Variants in PCLO observed in about 807,000 individuals in gnomAD.
The protein encoded by PCLO is piccolo presynaptic cytomatrix protein.
PCLO carries 82 observed loss-of-function variants against 427.5 expected under a neutral mutation model. The observed-to-expected ratio is 0.19, with a 90% CI of 0.16 to 0.23. The LOEUF (loss-of-function observed/expected upper bound fraction) is 0.23, where lower values mean the gene tolerates loss of function less well. Among genes scored for constraint, PCLO ranks in the 10% least tolerant of loss-of-function variants. The pLI is 1.00. For missense variants in PCLO, 6,239 were observed against 6,115.9 expected (o/e 1.02, Z -0.67); for synonymous variants, 2,357 against 2,155.4 (o/e 1.09, Z -2.59).
intron 3 of PCLO, among the ~76,000 whole-genome samples, chr7:83,118,866 A>G (rs895887732): frequency 1.8e-4 from 28 of 152,170 alleles, no homozygotes; most frequent in African/African-American, 6.5e-4. Flanking sequence ...CTAGCCAATG[A>G]GACACCATCT....
intron 20 of PCLO, among the ~76,000 whole-genome samples, chr7:82,806,821 C>T (rs1024185089): frequency 5.9e-5 from 9 of 152,162 alleles, no homozygotes; most frequent in African/African-American, 2.2e-4. Flanking sequence ...TATGTAGGAG[C>T]CCAGTAACTT....
Position 82,987,116 on chromosome 7 carries a change from C to G in PCLO, c.3301-20629G>C, listed in dbSNP as rs573604558. Reference sequence around the variant, plus strand: ...CATATAATGCATGTAATTTGTGTACCTGTTTAAACTATCAATTTCCACAGA... The same window carrying G: ...CATATAATGCATGTAATTTGTGTACGTGTTTAAACTATCAATTTCCACAGA... On this transcript the variant is annotated intron_variant, in intron 3 of 24. Transcript: ENST00000333891. 2.0e-4 allele frequency among the ~76,000 whole-genome samples: 30 copies of G among 152,020 alleles called. No homozygotes were observed. The South Asian group carries it at 6.0e-3, about 30-fold the overall frequency.
At chr7:82,792,374 T>TG (rs1247861692) in intron 22 of PCLO, among the ~76,000 whole-genome samples, 1 of 151,748 alleles carries the variant, frequency 6.6e-6, no homozygotes, top group African/African-American at 2.4e-5. Context: ...TCATCCAGGC[T>TG]GGGGTGCAGT....
intron 22 of PCLO, among the ~76,000 whole-genome samples, chr7:82,793,313 T>C (rs571105334): frequency 2.6e-5 from 4 of 152,246 alleles, no homozygotes; most frequent in Admixed American, 2.0e-4. Flanking sequence ...GTAGTACCTA[T>C]GTGTGTGGCC....
chr7:82,845,311 C>T lies in PCLO; in HGVS notation c.14006G>A (p.Gly4669Glu), dbSNP rs745483644. ...SSSVPSPGQP[G>E]SPSVSKKKHG... Reference sequence around the variant, plus strand: ...CTTCTTTTTGCTCACTGAGGGGGACCCTGGTTGCCCAGGGCTGGGAACGGA... The same window carrying T: ...CTTCTTTTTGCTCACTGAGGGGGACTCTGGTTGCCCAGGGCTGGGAACGGA... The change falls in exon 13 of 25, where the codon GGG becomes GAG. Residue 4669 changes from glycine to glutamate, a missense_variant. Transcript: ENST00000333891. 2.5e-6 allele frequency: 4 copies of T among 1,613,310 alleles called. No individual in the cohort carries two copies. Among genetic ancestry groups the T allele is most frequent in the Non-Finnish European group, 3.4e-6 (4 of 1,179,656 alleles).
intron 3 of PCLO, among the ~76,000 whole-genome samples, chr7:83,101,672 G>GAA (rs1790743189): frequency 1.3e-5 from 2 of 152,142 alleles, no homozygotes; most frequent in Admixed American, 1.3e-4. Flanking sequence ...TTTGGCACAA[G>GAA]AAACTGTGAC....
chr7:82,809,007 C>T (rs1025143134), intron 20 of PCLO, among the ~76,000 whole-genome samples: 1 of 151,860 alleles, frequency 6.6e-6, no homozygotes, highest in East Asian at 1.9e-4. Context: ...TTTAATATAT[C>T]TTTTCCAGAT....
In PCLO at chr7:83,155,002, C is replaced by G. The variant is rs1381161798; in HGVS notation, c.1639G>C (p.Ala547Pro). 1 of 1,613,910 alleles carries G rather than the reference C, an allele frequency of 6.2e-7. No individual in the cohort carries two copies. The highest frequency in any genetic ancestry group is 8.5e-7 in the Non-Finnish European group (1 of 1,179,886). Reference sequence around the variant, plus strand: ...GTAGATTGCTGAGCCGAGGGCTTTGCTGGGCTAGGCTGTTGAGCTGAGGGT... The same window carrying G: ...GTAGATTGCTGAGCCGAGGGCTTTGGTGGGCTAGGCTGTTGAGCTGAGGGT... The part of the protein sequence containing the change: ...AKPSAQQPSP[A>P]KPSAQQSTKP... The change falls in exon 2 of 25, where the codon GCA becomes CCA. Residue 547 changes from alanine (A) to proline (P), a missense_variant. Transcript: ENST00000333891.
chr7:82,981,579 A>T (rs1796147631), intron 3 of PCLO, among the ~76,000 whole-genome samples: 1 of 152,100 alleles, frequency 6.6e-6, no homozygotes, highest in Non-Finnish European at 1.5e-5. Context: ...TCTAAAAATT[A>T]ATATTTCTTT....
intron 23 of PCLO, 104 bp from the exon 24 acceptor site, chr7:82,760,888 C>T: frequency 2.0e-6 from 1 of 500,778 alleles, no homozygotes; most frequent in Non-Finnish European, 3.4e-6. Context: ...TTGCACAAAG[C>T]CAGCAGATTG....
intron 3 of PCLO, among the ~76,000 whole-genome samples, chr7:83,111,478 G>C (rs2116524474): frequency 6.6e-6 from 1 of 152,320 alleles, no homozygotes; most frequent in East Asian, 1.9e-4. Flanking sequence ...GTGTGAAAAG[G>C]ATCTTATGTG....
chr7:83,123,873 C>T (rs1272574675), intron 3 of PCLO, among the ~76,000 whole-genome samples: 5 of 140,150 alleles, frequency 3.6e-5, no homozygotes, highest in African/African-American at 1.1e-4. Context: ...CAGTGGATCA[C>T]CTGAGGTCAG....
rs532361767 is a variant in PCLO, at chr7:83,010,863, A to T, written c.3301-44376T>A. Among the ~76,000 whole-genome samples the T allele has an allele frequency of 7.2e-5, 11 of 152,126 alleles. No homozygotes were observed. In the South Asian group the frequency reaches 1.0e-3, roughly 14 times the overall value. On this transcript the variant is annotated intron_variant, in intron 3 of 24. Transcript: ENST00000333891. ...AATCCTTCAATAATTTATTTGCTTG[A>T]CATCTGGTCTAGTCTCATCTATCAC...
intron 3 of PCLO, among the ~76,000 whole-genome samples, chr7:83,093,858 T>A (rs1391832706): frequency 6.4e-5 from 9 of 141,478 alleles, no homozygotes; most frequent in Admixed American, 2.9e-4. Context: ...TTTTTTTTTT[T>A]AATTTTGAGA....
chr7:82,925,713 C>CTTTTTTTT lies in PCLO; in HGVS notation c.11113-8848_11113-8841dup, dbSNP rs34017885. ...TGCAAAAGCTCAAGAATTTTTGTTG[C>CTTTTTTTT]TTTTTTTTTTTTTTTTTTTTTTTTG... On this transcript the variant is annotated intron_variant, in intron 6 of 24. Coordinates refer to ENST00000333891, the MANE Select transcript of PCLO (RefSeq NM_033026.6). Among the ~76,000 whole-genome samples the CTTTTTTTT allele has an allele frequency of 6.8e-4, 54 of 79,012 alleles. 1 individual carries two copies. The highest frequency in any genetic ancestry group is 2.5e-3 in the African/African-American group (51 of 20,650). 51.8% of individuals were successfully genotyped at this position (79,012 alleles called of 152,430 possible).
Position 83,043,216 on chromosome 7 carries a change from A to T in PCLO, c.3301-76729T>A, listed in dbSNP as rs76319232. Reference sequence around the variant, plus strand: ...AGTTGATAACCACTGCTTTAACATTAGCGAAGCTGAAATTCTGGAGAAAGC... The same window carrying T: ...AGTTGATAACCACTGCTTTAACATTTGCGAAGCTGAAATTCTGGAGAAAGC... On this transcript the variant is annotated intron_variant, in intron 3 of 24. Transcript: ENST00000333891. Among the ~76,000 whole-genome samples the T allele has an allele frequency of 2.5e-3, 374 of 152,298 alleles. 1 individual carries two copies. The highest frequency in any genetic ancestry group is 8.6e-3 in the African/African-American group (357 of 41,570).
intron 3 of PCLO, among the ~76,000 whole-genome samples, chr7:83,081,961 T>C (rs1232706245): frequency 2.6e-5 from 4 of 151,728 alleles, no homozygotes; most frequent in Non-Finnish European, 5.9e-5. Flanking sequence ...AAATTATTAA[T>C]GTATATATTT....
At chr7:82,760,252 G>C (rs1211224363) in intron 24 of PCLO, among the ~76,000 whole-genome samples, 2 of 151,924 alleles carry the variant, frequency 1.3e-5, no homozygotes, top group Non-Finnish European at 2.9e-5. Context: ...AAACTAACCA[G>C]GGTTTTAAAA....
Position 82,956,673 on chromosome 7 carries a change from A to G in PCLO, c.4280T>C (p.Leu1427Pro). The G allele has an allele frequency of 6.2e-7, 1 of 1,613,878 alleles. No homozygotes were observed. Among genetic ancestry groups the G allele is most frequent in the Admixed American group, 1.7e-5 (1 of 60,008 alleles). Residue 1427 changes from leucine (L) to proline (P), a missense_variant, in exon 5 of 25, where the codon CTT (leucine) becomes CCT (proline). Coordinates refer to ENST00000333891, the MANE Select transcript of PCLO (RefSeq NM_033026.6). ...LSILEAQASTLADEKSEKKTQ... is the reference protein window; with the variant it reads ...LSILEAQASTPADEKSEKKTQ... ...TTTCTTTTCTGACTTTTCATCAGCA[A>G]GTGTACTTGCTTGAGCTTCCAAAAT... is the stretch of plus-strand genomic sequence containing the variant.
Sources: gnomAD v4.1 joint callset for allele counts (sites outside exome capture counted in the v4.1 genomes callset) on GRCh38, gnomAD v4.1.1 for gene constraint, MANE v1.5 for transcripts, NCBI Gene and HGNC (gene_info 2026-07-23, HGNC 2026-07-21) for gene names.